DNAJC16: variants seen among roughly 807,000 people sequenced by gnomAD.
The protein encoded by DNAJC16 is DnaJ heat shock protein family (Hsp40) member C16, also known as dnaJ homolog subfamily C member 16.
A neutral mutation model predicts 92.7 loss-of-function variants in DNAJC16; 76 were observed. The ratio of observed to expected loss-of-function variants is 0.82; its 90% CI spans 0.68 to 0.99. DNAJC16 has a LOEUF of 0.99. DNAJC16 is among the 50% of genes least tolerant of loss of function. The probability of loss-of-function intolerance (pLI) is 0.00; values close to 1 mark genes in which losing one functional copy is unlikely to be tolerated. For missense variants in DNAJC16, 869 were observed against 942.4 expected (o/e 0.92, Z 1.02); for synonymous variants, 328 against 358.7 (o/e 0.91, Z 0.97).
intron 7 of DNAJC16, among the ~76,000 whole-genome samples, chr1:15,550,751 G>A (rs1638424580): frequency 6.6e-6 from 1 of 152,230 alleles, no homozygotes; most frequent in South Asian, 2.1e-4. Flanking sequence ...AGTAGTGGGT[G>A]AAGCTGCCAG....
At chr1:15,544,298 G>A (rs1638232693) in intron 4 of DNAJC16, 101 bp from the exon 5 acceptor site, 8 of 1,158,486 alleles carry the variant, frequency 6.9e-6, no homozygotes, top group Admixed American at 2.8e-5. Flanking sequence ...CATCTCCTAT[G>A]AGGTCGGGAT....
At chr1:15,567,425 G>A (rs1052352862) in intron 14 of DNAJC16, among the ~76,000 whole-genome samples, 156 bp downstream of exon 14, 1 of 152,176 alleles carries the variant, frequency 6.6e-6, no homozygotes, top group Non-Finnish European at 1.5e-5. Flanking sequence ...GAGCCATTGC[G>A]ACAGGGACCT....
chr1:15,535,955 A>G (rs1030753239), intron 3 of DNAJC16, among the ~76,000 whole-genome samples: 3 of 150,922 alleles, frequency 2.0e-5, no homozygotes, highest in African/African-American at 7.3e-5. Flanking sequence ...TTTTGTAGCA[A>G]AGTCATGCTA....
chr1:15,527,152 G>A (rs746633351), intron 1 of DNAJC16, among the ~76,000 whole-genome samples, 194 bp downstream of exon 1: 3 of 152,200 alleles, frequency 2.0e-5, no homozygotes, highest in Non-Finnish European at 2.9e-5. Flanking sequence ...TGCGACCTCC[G>A]GCAGGAGCGC....
chr1:15,539,576 A>G (rs1710883286), intron 4 of DNAJC16, among the ~76,000 whole-genome samples: 2 of 150,312 alleles, frequency 1.3e-5, no homozygotes, highest in African/African-American at 4.9e-5. Flanking sequence ...AAGAGACATC[A>G]TTCTGTCACC....
rs761005642 is a variant in DNAJC16 at position 15,536,464 on chromosome 1, T to C, written c.235-11T>C. On this transcript the variant is annotated splice_polypyrimidine_tract_variant and intron_variant, in intron 3 of 14. Coordinates refer to ENST00000375847, the MANE Select transcript of DNAJC16 (RefSeq NM_015291.4). ...TTTTGTTGTTGTTTAGATTTTTTTCTTCCTTTATAGATTCTTTCAAATGAA... is the reference window on the plus strand; with the variant it reads ...TTTTGTTGTTGTTTAGATTTTTTTCCTCCTTTATAGATTCTTTCAAATGAA... 6.4e-6 allele frequency: 10 copies of C among 1,553,068 alleles called. No homozygotes were observed. In the South Asian group the frequency reaches 9.8e-5, roughly 15 times the overall value.
chr1:15,550,190 C>T (rs553276584), intron 7 of DNAJC16, among the ~76,000 whole-genome samples: 12 of 152,304 alleles, frequency 7.9e-5, no homozygotes, highest in African/African-American at 2.9e-4. Flanking sequence ...AAACAAATAC[C>T]AGTGTCCGAA....
chr1:15,549,398 A>G (rs1033081553), intron 7 of DNAJC16, among the ~76,000 whole-genome samples: 6 of 152,176 alleles, frequency 3.9e-5, no homozygotes, highest in Admixed American at 2.0e-4. Context: ...TGAGTAGGGT[A>G]AGATCTTCCC....
intron 2 of DNAJC16, among the ~76,000 whole-genome samples, chr1:15,530,196 C>T (rs868338719): frequency 2.1e-4 from 31 of 150,298 alleles, no homozygotes; most frequent in South Asian, 4.2e-4. Flanking sequence ...GTGGGAGGAT[C>T]GTTTGAGCCC....
Position 15,544,581 on chromosome 1 carries a change from AAAGT to A in DNAJC16, c.759+4_759+7del. 1.9e-6 allele frequency: 3 copies of A among 1,614,036 alleles called. No individual in the cohort carries two copies. The highest frequency in any genetic ancestry group is 1.1e-5 in the South Asian group (1 of 91,074). On this transcript the variant is annotated splice_donor_variant and coding_sequence_variant, in exon 5 of 15. Transcript: ENST00000375847. LOFTEE classifies it high-confidence loss of function. ...TCTTCTTCCAGGGAACTTGGTGGAG[AAAGT>A]AAGTATCTGTCAAGGAAACTATGGC... is the stretch of plus-strand genomic sequence containing the variant.
rs1638864794 is a variant in DNAJC16, at chr1:15,568,184, T to C, written c.*7T>C. The C allele has an allele frequency of 2.5e-6, 4 of 1,591,460 alleles. No homozygotes were observed. Among genetic ancestry groups the C allele is most frequent in the African/African-American group, 2.7e-5 (2 of 73,762 alleles). ...ATGGCCTGAACTAGACTGAGAGGAT[T>C]TTCCAAAGAGATTTGAACTCTTCAG... On this transcript the variant is annotated 3_prime_UTR_variant, in exon 15 of 15. Transcript: ENST00000375847.
Position 15,568,032 on chromosome 1 carries a change from T to C in DNAJC16, c.2204T>C (p.Leu735Pro), listed in dbSNP as rs775760141. 1.4e-5 allele frequency: 23 copies of C among 1,614,192 alleles called. 1 individual carries two copies. The Admixed American group carries it at 3.8e-4, about 27-fold the overall frequency. ...SCSDVDSSLY[L>P]GESRGKPSCG... is the part of the protein sequence containing the mutation. ...AGTGATGTTGACTCTTCCCTCTACCTGGGTGAATCTCGAGGGAAACCTTCC... is the reference window on the plus strand; with the variant it reads ...AGTGATGTTGACTCTTCCCTCTACCCGGGTGAATCTCGAGGGAAACCTTCC... Residue 735 changes from leucine (L) to proline (P), a missense_variant, in exon 15 of 15, where the codon CTG becomes CCG. By Grantham distance (98) the Leu-to-Pro change is moderately conservative. Coordinates refer to ENST00000375847, the MANE Select transcript of DNAJC16 (RefSeq NM_015291.4).
chr1:15,557,278 C>T (rs1308265013), intron 7 of DNAJC16, among the ~76,000 whole-genome samples: 4 of 152,254 alleles, frequency 2.6e-5, no homozygotes, highest in African/African-American at 4.8e-5. Flanking sequence ...TTCTGGGTTT[C>T]GCTTTAAGGA....
chr1:15,535,241 A>T (rs1394644107), intron 3 of DNAJC16, among the ~76,000 whole-genome samples: 2 of 152,256 alleles, frequency 1.3e-5, no homozygotes, highest in African/African-American at 4.8e-5. Flanking sequence ...CTCACCAGGT[A>T]TGACCAGGTC....
chr1:15,530,876 C>T (rs531135535), intron 2 of DNAJC16, among the ~76,000 whole-genome samples: 6 of 152,248 alleles, frequency 3.9e-5, no homozygotes, highest in East Asian at 1.9e-4. Context: ...CTAGTAGAGA[C>T]GGGGTTTTGC....
chr1:15,532,239 A>T (rs749491480), intron 2 of DNAJC16, among the ~76,000 whole-genome samples: 2 of 152,142 alleles, frequency 1.3e-5, no homozygotes, highest in Non-Finnish European at 2.9e-5. Context: ...CTTTGTTTTT[A>T]TTCCTTTAAG....
In DNAJC16 at chr1:15,536,624, C is replaced by G. The variant is rs755674478; in HGVS notation, c.384C>G (p.Phe128Leu). 1 of 1,614,048 alleles carries G rather than the reference C, an allele frequency of 6.2e-7. No individual in the cohort carries two copies. The highest frequency in any genetic ancestry group is 1.1e-5 in the South Asian group (1 of 91,074). The change falls in exon 4 of 15, where the codon TTC becomes TTG. Residue 128 changes from phenylalanine (F) to leucine (L), a missense_variant. Phe to Leu is a conservative substitution (Grantham distance 22, BLOSUM62 0). Transcript: ENST00000375847. ...NFYFDESFFH[F>L]PFNSERRDSI... ...ATTTTGATGAATCCTTTTTTCACTT[C>G]CCTTTTAATTCTGAACGGCGGGACT...
chr1:15,541,593 C>T (rs1488325013), intron 4 of DNAJC16, among the ~76,000 whole-genome samples: 1 of 152,166 alleles, frequency 6.6e-6, no homozygotes, highest in Non-Finnish European at 1.5e-5. Context: ...TTAGTCTGCT[C>T]AGCAGTTTTA....
chr1:15,553,023 G>A (rs1346361986), intron 7 of DNAJC16, among the ~76,000 whole-genome samples: 2 of 151,854 alleles, frequency 1.3e-5, no homozygotes, highest in East Asian at 1.9e-4. Flanking sequence ...GCCCACCTCC[G>A]CCTCCCAAAG....
Sources: allele counts gnomAD v4.1 joint callset (sites outside exome capture counted in the v4.1 genomes callset), GRCh38; gene constraint gnomAD v4.1.1; transcripts MANE v1.5; gene names NCBI Gene and HGNC (gene_info 2026-07-23, HGNC 2026-07-21).